Variants in NOPCHAP1 observed in about 807,000 individuals in gnomAD.
The protein encoded by NOPCHAP1 is NOP protein chaperone 1.
Under a neutral mutation model 14.0 loss-of-function variants are expected in NOPCHAP1, and 13 were observed. That is an observed-to-expected ratio of 0.93 (90% CI 0.60 to 1.47). The LOEUF (loss-of-function observed/expected upper bound fraction) is 1.47, where lower values mean the gene tolerates loss of function less well. Ranked by LOEUF, NOPCHAP1 falls within the 40% of genes most tolerant of loss-of-function variation. The pLI, the probability that NOPCHAP1 is intolerant of heterozygous loss-of-function variation, is 0.00. For synonymous variants in NOPCHAP1, 78 were observed against 78.4 expected, an observed-to-expected ratio of 1.00 and a Z score of 0.03; for missense variants, 230 against 226.9, an observed-to-expected ratio of 1.01 and a Z score of -0.09.
In NOPCHAP1 at chr12:105,003,321, G is replaced by A. The variant is rs1873646162; in HGVS notation, c.*8625G>A. On this transcript the variant is annotated 3_prime_UTR_variant, in exon 4 of 4. Transcript: ENST00000552951. ...CCCTGAGTCTGTAGTTCTTATACAC[G>A]AAATTGGCTATAGTTCCAGATGGAG... 6.6e-6 allele frequency: 1 copy of A among 152,126 alleles called. No individual in the cohort carries two copies. The highest frequency in any genetic ancestry group is 1.5e-5 in the Non-Finnish European group (1 of 68,030). The allele number at this position is 152,126 out of a possible 1,614,324, so 9.4% of individuals were successfully genotyped here. A position where few individuals can be genotyped will look rare whatever the true frequency, so the allele number is the denominator to read the frequency against.
Position 104,995,471 on chromosome 12 carries a change from G to T in NOPCHAP1, c.*775G>T, listed in dbSNP as rs1873480084. The T allele has an allele frequency of 6.6e-6, 1 of 152,076 alleles. No individual in the cohort carries two copies. The highest frequency in any genetic ancestry group is 1.5e-5 in the Non-Finnish European group (1 of 68,012). The allele number at this position is 152,076 out of a possible 1,614,324, so 9.4% of individuals were successfully genotyped here. A position where few individuals can be genotyped will look rare whatever the true frequency, so the allele number is the denominator to read the frequency against. On this transcript the variant is annotated 3_prime_UTR_variant, in exon 4 of 4. Transcript: ENST00000552951. The stretch of plus-strand genomic sequence containing the variant: ...ATACATAACCCCCAACATGAGCAAA[G>T]AGGAGATCTAAGGCTGCATGATATC...
chr12:105,013,933 G>A lies in NOPCHAP1; in HGVS notation c.*19237G>A, dbSNP rs11112302. The A allele has an allele frequency of 0.074, 11,279 of 152,510 alleles. 460 individuals are homozygous for A. The highest frequency in any genetic ancestry group is 0.092 in the Middle Eastern group (27 of 294). The allele number at this position is 152,510 out of a possible 1,614,324, so 9.4% of individuals were successfully genotyped here. ...ATCGCTTGCCTTCTGCGTTGATCTCGCTGGGAGCTGCAGACCGGAGTTGTT... is the reference window on the plus strand; with the variant it reads ...ATCGCTTGCCTTCTGCGTTGATCTCACTGGGAGCTGCAGACCGGAGTTGTT... On this transcript the variant is annotated 3_prime_UTR_variant, in exon 4 of 4. Transcript: ENST00000552951.
Position 105,001,081 on chromosome 12 carries a change from G to T in NOPCHAP1, c.*6385G>T, listed in dbSNP as rs762941322. ...ATTTGTTCTTTTGAGCTTTCCAGAA[G>T]ATTAAGGGTGTTAGGGATGATGGTA... On this transcript the variant is annotated 3_prime_UTR_variant, in exon 4 of 4. Transcript: ENST00000552951. 5 of 151,946 alleles carry T rather than the reference G, an allele frequency of 3.3e-5. No homozygotes were observed. The highest frequency in any genetic ancestry group is 7.4e-5 in the Non-Finnish European group (5 of 67,978). 9.4% of individuals were successfully genotyped at this position (151,946 alleles called of 1,614,324 possible).
In NOPCHAP1 at chr12:104,994,554, C is replaced by G; in HGVS notation, c.416C>G (p.Ser139Ter). ...DSSEESSQDS[S>*]ENSSESEDED... The stretch of plus-strand genomic sequence containing the variant: ...TCAGAAGAGAGTTCACAAGACAGTT[C>G]AGAGAACAGTTCAGAATCAGAAGAC... The change falls in exon 4 of 4, where the codon TCA becomes TGA. Residue 139 changes from serine (S) to a stop codon, truncating the protein, a stop_gained. Transcript: ENST00000552951. LOFTEE classifies it high-confidence loss of function. The G allele has an allele frequency of 6.2e-7, 1 of 1,612,876 alleles. No homozygotes were observed. The highest frequency in any genetic ancestry group is 2.2e-5 in the East Asian group (1 of 44,874).
At position 105,002,543 on chromosome 12, in the gene NOPCHAP1, C is replaced by T. The variant is rs1873628575; in HGVS notation, c.*7847C>T. On this transcript the variant is annotated 3_prime_UTR_variant, in exon 4 of 4. Coordinates refer to ENST00000552951, the MANE Select transcript of NOPCHAP1 (RefSeq NM_152318.3). The stretch of plus-strand genomic sequence containing the variant: ...TTGTCTATGAGATTGTATGATGGAC[C>T]AATCAATTTTTTGTAGCAAAATCTT... 6.6e-6 allele frequency: 1 copy of T among 152,132 alleles called. No homozygotes were observed. 9.4% of individuals were successfully genotyped at this position (152,132 alleles called of 1,614,324 possible). A position where few individuals can be genotyped will look rare whatever the true frequency, so the allele number is the denominator to read the frequency against.
chr12:105,011,815 GC>G lies in NOPCHAP1; in HGVS notation c.*17124del, dbSNP rs746460930. On this transcript the variant is annotated 3_prime_UTR_variant, in exon 4 of 4. Coordinates refer to ENST00000552951, the MANE Select transcript of NOPCHAP1 (RefSeq NM_152318.3). ...TTCTTTTTAAGAATGTTGAATATTG[GC>G]CCCCACTCTCTTCTGGCTTGTAGGG... is the stretch of plus-strand genomic sequence containing the variant. 6.6e-6 allele frequency: 1 copy of G among 152,198 alleles called. No individual in the cohort carries two copies. The highest frequency in any genetic ancestry group is 2.4e-5 in the African/African-American group (1 of 41,514). 9.4% of individuals were successfully genotyped at this position (152,198 alleles called of 1,614,324 possible). A position where few individuals can be genotyped will look rare whatever the true frequency, so the allele number is the denominator to read the frequency against.
Position 105,001,106 on chromosome 12 carries a change from A to G in NOPCHAP1, c.*6410A>G, listed in dbSNP as rs972914825. 14 of 152,016 alleles carry G rather than the reference A, an allele frequency of 9.2e-5. No individual in the cohort carries two copies. Among genetic ancestry groups the G allele is most frequent in the African/African-American group, 3.4e-4 (14 of 41,402 alleles). 9.4% of individuals were successfully genotyped at this position (152,016 alleles called of 1,614,324 possible). ...GATTAAGGGTGTTAGGGATGATGGT[A>G]ATACCATTGTGTTCGATTAACTGTT... On this transcript the variant is annotated 3_prime_UTR_variant, in exon 4 of 4. Coordinates refer to ENST00000552951, the MANE Select transcript of NOPCHAP1 (RefSeq NM_152318.3).
rs35082344 is a variant in NOPCHAP1 at position 105,014,662 on chromosome 12, AT to A, written c.*19979del. ...GGTTGGAAAGATCAGTTTTTAGTTGATTTTTTTTTTTTTGTAAAGCAAAACT... is the reference window on the plus strand; with the variant it reads ...GGTTGGAAAGATCAGTTTTTAGTTGATTTTTTTTTTTTGTAAAGCAAAACT... On this transcript the variant is annotated 3_prime_UTR_variant, in exon 4 of 4. Coordinates refer to ENST00000552951, the MANE Select transcript of NOPCHAP1 (RefSeq NM_152318.3). The A allele has an allele frequency of 0.49, 73,068 of 147,906 alleles. 18,498 individuals are homozygous for A. The highest frequency in any genetic ancestry group is 0.68 in the East Asian group (3,441 of 5,096). 9.2% of individuals were successfully genotyped at this position (147,906 alleles called of 1,614,324 possible). A position where few individuals can be genotyped will look rare whatever the true frequency, so the allele number is the denominator to read the frequency against.
In NOPCHAP1 at chr12:105,014,465, G is replaced by A. The variant is rs1873906099; in HGVS notation, c.*19769G>A. On this transcript the variant is annotated 3_prime_UTR_variant, in exon 4 of 4. Transcript: ENST00000552951. ...TATTGAAAATAATCCATGTATAAGTGGACCCACACAGTTCAAATCTGTGTT... is the reference window on the plus strand; with the variant it reads ...TATTGAAAATAATCCATGTATAAGTAGACCCACACAGTTCAAATCTGTGTT... The A allele has an allele frequency of 6.6e-6, 1 of 151,946 alleles. No individual in the cohort carries two copies. Among genetic ancestry groups the A allele is most frequent in the Non-Finnish European group, 1.5e-5 (1 of 67,994 alleles). 9.4% of individuals were successfully genotyped at this position (151,946 alleles called of 1,614,324 possible). A position where few individuals can be genotyped will look rare whatever the true frequency, so the allele number is the denominator to read the frequency against.
Position 105,013,460 on chromosome 12 carries a change from TC to T in NOPCHAP1, c.*18765del, listed in dbSNP as rs1873876622. ...CTAAGCTTGACCACTTGGCTTTCTA[TC>T]TTCAGCCCCCTTTCCAGGGGAGTGA... On this transcript the variant is annotated 3_prime_UTR_variant, in exon 4 of 4. Transcript: ENST00000552951. 6.6e-6 allele frequency: 1 copy of T among 152,374 alleles called. No homozygotes were observed. The allele number at this position is 152,374 out of a possible 1,614,324, so 9.4% of individuals were successfully genotyped here. A position where few individuals can be genotyped will look rare whatever the true frequency, so the allele number is the denominator to read the frequency against.
chr12:104,994,552 T>C lies in NOPCHAP1; in HGVS notation c.414T>C (p.Ser138=). 6.2e-7 allele frequency: 1 copy of C among 1,613,058 alleles called. No homozygotes were observed. The highest frequency in any genetic ancestry group is 1.6e-4 in the Middle Eastern group (1 of 6,062). ...GTTCAGAAGAGAGTTCACAAGACAGTTCAGAGAACAGTTCAGAATCAGAAG... is the reference window on the plus strand; with the variant it reads ...GTTCAGAAGAGAGTTCACAAGACAGCTCAGAGAACAGTTCAGAATCAGAAG... The part of the protein sequence containing the change: ...VDSSEESSQD[S]SENSSESEDE... The change falls in exon 4 of 4, where the codon AGT becomes AGC. Residue 138 remains serine, a synonymous_variant. Coordinates refer to ENST00000552951, the MANE Select transcript of NOPCHAP1 (RefSeq NM_152318.3).
intron 2 of NOPCHAP1, 94 bp from the exon 3 acceptor site, chr12:104,991,615 GTTA>G (rs1454669884): frequency 1.6e-6 from 2 of 1,243,538 alleles, no homozygotes; most frequent in African/African-American, 3.1e-5. Context: ...AATTATGGTT[GTTA>G]TTATTAATAC....
In NOPCHAP1 at chr12:105,015,990, T is replaced by G. The variant is rs1873937045; in HGVS notation, c.*21294T>G. ...TTAGTAAAATAGTCAAGAAAGGTTTTTTTTTTTTTTTTTAAAAAGCATAAC... is the reference window on the plus strand; with the variant it reads ...TTAGTAAAATAGTCAAGAAAGGTTTGTTTTTTTTTTTTTAAAAAGCATAAC... On this transcript the variant is annotated 3_prime_UTR_variant, in exon 4 of 4. Coordinates refer to ENST00000552951, the MANE Select transcript of NOPCHAP1 (RefSeq NM_152318.3). 1 of 142,650 alleles carries G rather than the reference T, an allele frequency of 7.0e-6. No homozygotes were observed. Among genetic ancestry groups the G allele is most frequent in the African/African-American group, 2.6e-5 (1 of 37,760 alleles). The allele number at this position is 142,650 out of a possible 1,614,324, so 8.8% of individuals were successfully genotyped here. A position where few individuals can be genotyped will look rare whatever the true frequency, so the allele number is the denominator to read the frequency against.
rs1002167467 is a variant in NOPCHAP1, at chr12:105,013,095, C to G, written c.*18399C>G. ...AGCTGCGCCCACAGCCACCCGATCC[C>G]CCAGGTGTTCTGTCCCAGGGAGATA... is the stretch of plus-strand genomic sequence containing the variant. On this transcript the variant is annotated 3_prime_UTR_variant, in exon 4 of 4. Coordinates refer to ENST00000552951, the MANE Select transcript of NOPCHAP1 (RefSeq NM_152318.3). 3 of 152,396 alleles carry G rather than the reference C, an allele frequency of 2.0e-5. No individual in the cohort carries two copies. Among genetic ancestry groups the G allele is most frequent in the African/African-American group, 7.2e-5 (3 of 41,474 alleles). 9.4% of individuals were successfully genotyped at this position (152,396 alleles called of 1,614,324 possible). A position where few individuals can be genotyped will look rare whatever the true frequency, so the allele number is the denominator to read the frequency against.
At position 104,996,768 on chromosome 12, in the gene NOPCHAP1, T is replaced by C. The variant is rs1873509686; in HGVS notation, c.*2072T>C. The C allele has an allele frequency of 6.6e-6, 1 of 152,248 alleles. No homozygotes were observed. Among genetic ancestry groups the C allele is most frequent in the Admixed American group, 6.5e-5 (1 of 15,284 alleles). The allele number at this position is 152,248 out of a possible 1,614,324, so 9.4% of individuals were successfully genotyped here. On this transcript the variant is annotated 3_prime_UTR_variant, in exon 4 of 4. Transcript: ENST00000552951. ...GGTCTCTGAATGCTTGCTTTATGAA[T>C]CTGGGTGCTTCTCTGTTGGGTGCAT...
At position 104,990,463 on chromosome 12, in the gene NOPCHAP1, C is replaced by T. The variant is rs141780533; in HGVS notation, c.203-1249C>T. Reference sequence around the variant, plus strand: ...TGAGAGCTAACATTCACTATTACGTCGGGCTTTATTTGTGTGCATGCTCTT... The same window carrying T: ...TGAGAGCTAACATTCACTATTACGTTGGGCTTTATTTGTGTGCATGCTCTT... On this transcript the variant is annotated intron_variant, in intron 2 of 3. Transcript: ENST00000552951. 1.6e-3 allele frequency among the ~76,000 whole-genome samples: 238 copies of T among 152,284 alleles called. 9 individuals are homozygous for T. In the East Asian group the frequency reaches 0.042, roughly 27 times the overall value.
At chr12:104,989,657 G>T (rs755191103) in intron 2 of NOPCHAP1, among the ~76,000 whole-genome samples, 12 of 152,122 alleles carry the variant, frequency 7.9e-5, no homozygotes, top group Non-Finnish European at 1.5e-4. Context: ...GGATCTATGG[G>T]TTTATAATTT....
chr12:104,998,027 T>C lies in NOPCHAP1; in HGVS notation c.*3331T>C, dbSNP rs1873532016. On this transcript the variant is annotated 3_prime_UTR_variant, in exon 4 of 4. Transcript: ENST00000552951. ...TGCATTATGCAATTCTTGTAGTGTG[T>C]TTTTCAGCTCTGTCAGATCGGTTTA... 6.6e-6 allele frequency: 1 copy of C among 152,270 alleles called. No homozygotes were observed. The highest frequency in any genetic ancestry group is 6.5e-5 in the Admixed American group (1 of 15,292). 9.4% of individuals were successfully genotyped at this position (152,270 alleles called of 1,614,324 possible).
Position 105,015,114 on chromosome 12 carries a change from C to G in NOPCHAP1, c.*20418C>G, listed in dbSNP as rs899793304. The G allele has an allele frequency of 6.6e-6, 1 of 152,172 alleles. No homozygotes were observed. The highest frequency in any genetic ancestry group is 6.5e-5 in the Admixed American group (1 of 15,276). 9.4% of individuals were successfully genotyped at this position (152,172 alleles called of 1,614,324 possible). ...TGATCTTTCTTATTGGAAATTGGAACCAGCTCTCCTTGACTGTGACTCACT... is the reference window on the plus strand; with the variant it reads ...TGATCTTTCTTATTGGAAATTGGAAGCAGCTCTCCTTGACTGTGACTCACT... On this transcript the variant is annotated 3_prime_UTR_variant, in exon 4 of 4. Transcript: ENST00000552951.
Sources: gnomAD v4.1 joint callset for allele counts (sites outside exome capture counted in the v4.1 genomes callset) on GRCh38, gnomAD v4.1.1 for gene constraint, MANE v1.5 for transcripts, NCBI Gene and HGNC (gene_info 2026-07-23, HGNC 2026-07-21) for gene names.